Variants in CCDC85A observed in about 807,000 individuals in gnomAD.
CCDC85A encodes coiled-coil domain-containing protein 85A.
CCDC85A carries 38 observed loss-of-function variants against 50.2 expected under a neutral mutation model. The observed-to-expected ratio is 0.76, with a 90% CI of 0.58 to 0.99. The LOEUF (loss-of-function observed/expected upper bound fraction) is 0.99, where lower values mean the gene tolerates loss of function less well. Ranked by LOEUF, CCDC85A falls within the 50% of genes least tolerant of loss-of-function variation. The pLI is 0.00. For missense variants in CCDC85A, 820 were observed against 742.0 expected (o/e 1.11, Z -1.22); for synonymous variants, 366 against 301.4 (o/e 1.21, Z -2.22).
intron 2 of CCDC85A, among the ~76,000 whole-genome samples, chr2:56,226,170 G>GTTAAAA (rs1444236755): frequency 6.6e-6 from 1 of 152,198 alleles, no homozygotes; most frequent in African/African-American, 2.4e-5. Context: ...ATGGACTTGA[G>GTTAAAA]TTAAAATTCC....
chr2:56,352,373 C>A (rs1329957853), intron 3 of CCDC85A, among the ~76,000 whole-genome samples: 2 of 152,034 alleles, frequency 1.3e-5, no homozygotes, highest in Non-Finnish European at 2.9e-5. Flanking sequence ...TTTTTCGAGA[C>A]AGGCACTCGC....
At chr2:56,249,439 A>G (rs188800233) in intron 2 of CCDC85A, among the ~76,000 whole-genome samples, 2 of 152,346 alleles carry the variant, frequency 1.3e-5, no homozygotes, top group East Asian at 3.9e-4. Flanking sequence ...GCAGGAGGGT[A>G]GAGTGAATCT....
chr2:56,255,910 G>A (rs1292764456), intron 2 of CCDC85A, among the ~76,000 whole-genome samples: 1 of 152,154 alleles, frequency 6.6e-6, no homozygotes, highest in Non-Finnish European at 1.5e-5. Flanking sequence ...TGGTAACAAG[G>A]AGTCACATTT....
At chr2:56,218,420 A>G (rs779489472) in intron 2 of CCDC85A, among the ~76,000 whole-genome samples, 10 of 151,910 alleles carry the variant, frequency 6.6e-5, no homozygotes, top group South Asian at 2.1e-4. Context: ...TGAAAACACC[A>G]TCTTCCAGCC....
intron 2 of CCDC85A, among the ~76,000 whole-genome samples, chr2:56,315,624 A>G (rs1191710984): frequency 1.3e-5 from 2 of 152,082 alleles, no homozygotes; most frequent in Admixed American, 6.6e-5. Flanking sequence ...GAGTTAAGGG[A>G]AAGTATGGTA....
At chr2:56,354,102 A>AT (rs1249911981) in intron 3 of CCDC85A, among the ~76,000 whole-genome samples, 1 of 152,254 alleles carries the variant, frequency 6.6e-6, no homozygotes, top group East Asian at 1.9e-4. Context: ...TACTGCCTAC[A>AT]ATAAAAGGAG....
intron 2 of CCDC85A, among the ~76,000 whole-genome samples, chr2:56,334,899 A>G (rs1343229132): frequency 6.6e-6 from 1 of 152,148 alleles, no homozygotes; most frequent in African/African-American, 2.4e-5. Context: ...AGAGGAACTA[A>G]CTGTCATCTC....
At chr2:56,363,346 G>C (rs138398537) in intron 3 of CCDC85A, among the ~76,000 whole-genome samples, 1 of 152,058 alleles carries the variant, frequency 6.6e-6, no homozygotes, top group Non-Finnish European at 1.5e-5. Flanking sequence ...GGCTACTCTC[G>C]TTTCTGTAAA....
At chr2:56,235,337 G>T (rs1399345908) in intron 2 of CCDC85A, 2 of 152,124 alleles carry the variant, frequency 1.3e-5, no homozygotes, top group African/African-American at 4.8e-5. Flanking sequence ...AGACAGCATA[G>T]GTAGTTTTAT....
Position 56,184,227 on chromosome 2 carries a change from A to C in CCDC85A, c.-398A>C. ...TGCGTGTGCGTGCACGCCTGTGTGCAGGGCAGAGAGTGCGGGGGGCGACAG... is the reference window on the plus strand; with the variant it reads ...TGCGTGTGCGTGCACGCCTGTGTGCCGGGCAGAGAGTGCGGGGGGCGACAG... On this transcript the variant is annotated 5_prime_UTR_variant, in exon 1 of 6. Transcript: ENST00000407595. The C allele has an allele frequency of 1.0e-6, 1 of 984,202 alleles. No individual in the cohort carries two copies. Among genetic ancestry groups the C allele is most frequent in the Non-Finnish European group, 1.2e-6 (1 of 824,338 alleles). 61.0% of individuals were successfully genotyped at this position (984,202 alleles called of 1,614,324 possible). A position where few individuals can be genotyped will look rare whatever the true frequency, so the allele number is the denominator to read the frequency against.
intron 2 of CCDC85A, among the ~76,000 whole-genome samples, chr2:56,292,655 TA>T (rs1671768580): frequency 6.6e-6 from 1 of 152,122 alleles, no homozygotes; most frequent in African/African-American, 2.4e-5. Context: ...CATAAGGAAA[TA>T]AATAACTCTA....
At position 56,184,186 on chromosome 2, in the gene CCDC85A, G is replaced by T; in HGVS notation, c.-439G>T. The T allele has an allele frequency of 1.0e-6, 1 of 988,414 alleles. No homozygotes were observed. Among genetic ancestry groups the T allele is most frequent in the Non-Finnish European group, 1.2e-6 (1 of 832,138 alleles). The allele number at this position is 988,414 out of a possible 1,614,324, so 61.2% of individuals were successfully genotyped here. The stretch of plus-strand genomic sequence containing the variant: ...GGGAGAAGCCGGGGGCTGCAGCTGG[G>T]CAAGGGGGAGGAAAGTGCGTGTGCG... On this transcript the variant is annotated 5_prime_UTR_variant, in exon 1 of 6. Transcript: ENST00000407595.
chr2:56,321,968 G>T (rs1673219852), intron 2 of CCDC85A, among the ~76,000 whole-genome samples: 2 of 152,158 alleles, frequency 1.3e-5, no homozygotes, highest in Admixed American at 1.3e-4. Flanking sequence ...GAACAGAATA[G>T]AGCCCTCAGA....
chr2:56,266,157 G>A (rs1230727507), intron 2 of CCDC85A, among the ~76,000 whole-genome samples: 1 of 152,206 alleles, frequency 6.6e-6, no homozygotes, highest in East Asian at 1.9e-4. Context: ...CAGGATATGG[G>A]TGGGGAAAGG....
intron 2 of CCDC85A, among the ~76,000 whole-genome samples, chr2:56,303,657 C>T (rs62167333): frequency 6.6e-6 from 1 of 152,060 alleles, no homozygotes; most frequent in African/African-American, 2.4e-5. Flanking sequence ...TATTTTTTCT[C>T]TCTGAATGGT....
At chr2:56,295,406 AGAT>A (rs1671901854) in intron 2 of CCDC85A, among the ~76,000 whole-genome samples, 1 of 152,224 alleles carries the variant, frequency 6.6e-6, no homozygotes, top group Admixed American at 6.5e-5. Context: ...ACAAATGGGC[AGAT>A]TTTGCCTATG....
chr2:56,267,499 T>A (rs1670504202), intron 2 of CCDC85A, among the ~76,000 whole-genome samples: 1 of 152,226 alleles, frequency 6.6e-6, no homozygotes. Context: ...ATATTTGGTA[T>A]ATTCAACATA....
intron 2 of CCDC85A, among the ~76,000 whole-genome samples, chr2:56,243,175 G>T (rs1573086875): frequency 6.6e-6 from 1 of 151,930 alleles, no homozygotes; most frequent in African/African-American, 2.4e-5. Context: ...TGATATCTTT[G>T]TCTATGTTTG....
intron 2 of CCDC85A, among the ~76,000 whole-genome samples, chr2:56,199,591 A>C (rs936529144): frequency 6.6e-6 from 1 of 152,106 alleles, no homozygotes; most frequent in Non-Finnish European, 1.5e-5. Context: ...ATCTCCTAAA[A>C]ATAGATTTCC....
Sources: allele counts gnomAD v4.1 joint callset (sites outside exome capture counted in the v4.1 genomes callset), GRCh38; gene constraint gnomAD v4.1.1; transcripts MANE v1.5; gene names NCBI Gene and HGNC (gene_info 2026-07-23, HGNC 2026-07-21).